Variants in TAF3 observed in about 807,000 individuals in gnomAD.
TAF3 encodes the protein TATA-box binding protein associated factor 3, also known as transcription initiation factor TFIID subunit 3.
TAF3 carries 7 observed loss-of-function variants against 80.6 expected under a neutral mutation model. The ratio of observed to expected loss-of-function variants is 0.09; its 90% CI spans 0.05 to 0.16. The LOEUF is 0.16. TAF3 is among the 10% of genes least tolerant of loss of function. The pLI, the probability that TAF3 is intolerant of heterozygous loss-of-function variation, is 1.00. For missense variants in TAF3, 921 were observed against 1,140.2 expected, an observed-to-expected ratio of 0.81 and a Z score of 2.77; for synonymous variants, 444 against 446.1, an observed-to-expected ratio of 1.00 and a Z score of 0.06.
At chr10:7,906,388 A>G (rs1372766572) in intron 2 of TAF3, among the ~76,000 whole-genome samples, 1 of 152,234 alleles carries the variant, frequency 6.6e-6, no homozygotes, top group African/African-American at 2.4e-5. Flanking sequence ...ACAGGTGGTA[A>G]CTACAGCTAC....
At chr10:7,990,029 A>G (rs1014095664) in intron 4 of TAF3, among the ~76,000 whole-genome samples, 1 of 136,590 alleles carries the variant, frequency 7.3e-6, no homozygotes, top group Non-Finnish European at 1.7e-5. Context: ...GACCCAGTTA[A>G]AATTAACTGT....
intron 4 of TAF3, among the ~76,000 whole-genome samples, chr10:7,981,864 A>G (rs1472280657): frequency 1.3e-5 from 2 of 152,170 alleles, no homozygotes; most frequent in African/African-American, 2.4e-5. Context: ...TCTATATATA[A>G]TGAAAATGAG....
intron 2 of TAF3, among the ~76,000 whole-genome samples, chr10:7,944,428 C>A (rs985052622): frequency 2.6e-5 from 4 of 152,070 alleles, no homozygotes; most frequent in African/African-American, 9.7e-5. Context: ...CTTGTTTTAT[C>A]TTTTACTTTT....
rs1190332018 is a variant in TAF3, at chr10:7,988,344, CT to C, written c.2315+11024del. 3.9e-5 allele frequency among the ~76,000 whole-genome samples: 6 copies of C among 151,976 alleles called. No individual in the cohort carries two copies. The East Asian group carries it at 9.7e-4, about 25-fold the overall frequency. ...GTGGCTCACGCTTATAATCCTAACA[CT>C]TTGGGAGGCCAAGGCAAACAGATGA... On this transcript the variant is annotated intron_variant, in intron 4 of 6. Coordinates refer to ENST00000344293, the MANE Select transcript of TAF3 (RefSeq NM_031923.4).
chr10:7,924,185 G>A (rs377457747), intron 2 of TAF3, among the ~76,000 whole-genome samples: 1 of 152,178 alleles, frequency 6.6e-6, no homozygotes. Context: ...TGGTGCCAGG[G>A]TATTTGAGAA....
chr10:7,905,713 C>A (rs1461514681), intron 2 of TAF3, among the ~76,000 whole-genome samples: 1 of 152,104 alleles, frequency 6.6e-6, no homozygotes, highest in Admixed American at 6.5e-5. Context: ...AACCCCGTCT[C>A]TACTAAAAAT....
At chr10:7,982,199 T>C (rs562221534) in intron 4 of TAF3, among the ~76,000 whole-genome samples, 1 of 152,192 alleles carries the variant, frequency 6.6e-6, no homozygotes, top group South Asian at 2.1e-4. Context: ...TTTATTCATA[T>C]ATAACTTTTT....
intron 3 of TAF3, among the ~76,000 whole-genome samples, chr10:7,966,544 C>T (rs1382866797): frequency 2.6e-5 from 4 of 152,142 alleles, no homozygotes; most frequent in South Asian, 4.1e-4. Context: ...TTACAGCAGC[C>T]GGCTGGGTTA....
intron 3 of TAF3, among the ~76,000 whole-genome samples, chr10:7,972,856 A>G (rs552978281): frequency 6.8e-4 from 104 of 152,310 alleles, no homozygotes; most frequent in Non-Finnish European, 1.4e-3. Flanking sequence ...TTAGCCTCCC[A>G]TGGAGAACAA....
At chr10:7,920,299 CGTGTGT>C (rs60287426) in intron 2 of TAF3, among the ~76,000 whole-genome samples, 2,004 of 101,372 alleles carry the variant, frequency 0.02, 42 homozygotes, top group African/African-American at 0.055. Flanking sequence ...TTTAAACATA[CGTGTGT>C]GTGTGTGTGT....
intron 1 of TAF3, among the ~76,000 whole-genome samples, chr10:7,823,931 A>G (rs1309513013): frequency 6.7e-6 from 1 of 148,866 alleles, no homozygotes; most frequent in Non-Finnish European, 1.5e-5. Context: ...GCGCCCAGCT[A>G]AGATGCCATC....
rs535029894 is a variant in TAF3 at position 7,965,649 on chromosome 10, A to G, written c.2139A>G (p.Glu713=). ...AAAAGGAGAAGAAGAAAAAGAAGGA[A>G]AAAGAGAAGGAGAAGAAGGAGAAGG... ...KDKKEKKKKK[E]KEKEKKEKER... The change falls in exon 3 of 7, where the codon GAA becomes GAG. Residue 713 remains glutamate (E), a synonymous_variant. Transcript: ENST00000344293. 2 of 1,602,888 alleles carry G rather than the reference A, an allele frequency of 1.2e-6. No individual in the cohort carries two copies. The highest frequency in any genetic ancestry group is 2.3e-5 in the South Asian group (2 of 88,036).
At position 7,962,443 on chromosome 10, in the gene TAF3, C is replaced by G. The variant is rs147320756; in HGVS notation, c.410-1477C>G. ...TTTTTCTCTGTTGTCTAAAATCCTT[C>G]TAGGTCCAAACTACCAGTAGAATAA... On this transcript the variant is annotated intron_variant, in intron 2 of 6. Transcript: ENST00000344293. Among the ~76,000 whole-genome samples, 633 of 152,310 alleles carry G rather than the reference C, an allele frequency of 4.2e-3. 3 individuals carry two copies. The highest frequency in any genetic ancestry group is 0.027 in the Middle Eastern group (8 of 294).
intron 2 of TAF3, among the ~76,000 whole-genome samples, chr10:7,842,619 T>C (rs923242017): frequency 6.6e-5 from 10 of 152,204 alleles, no homozygotes; most frequent in African/African-American, 2.2e-4. Context: ...ATGGTCACTA[T>C]TGTCATGTCT....
At chr10:7,955,054 A>C (rs988681393) in intron 2 of TAF3, among the ~76,000 whole-genome samples, 4 of 152,268 alleles carry the variant, frequency 2.6e-5, no homozygotes, top group Admixed American at 6.5e-5. Flanking sequence ...TGAGATTCAG[A>C]GTGCACTCCA....
chr10:7,827,874 T>C (rs1291880300), intron 2 of TAF3, among the ~76,000 whole-genome samples: 1 of 151,954 alleles, frequency 6.6e-6, no homozygotes, highest in African/African-American at 2.4e-5. Flanking sequence ...GGAGGATCAG[T>C]TGAGCCCAGG....
intron 2 of TAF3, among the ~76,000 whole-genome samples, chr10:7,915,420 G>A (rs371155531): frequency 1.4e-5 from 2 of 147,954 alleles, no homozygotes; most frequent in East Asian, 2.1e-4. Flanking sequence ...CGAGACGGGT[G>A]GATCACGAGG....
chr10:7,842,097 C>T (rs1294147176), intron 2 of TAF3, among the ~76,000 whole-genome samples: 2 of 151,238 alleles, frequency 1.3e-5, no homozygotes, highest in African/African-American at 2.4e-5. Context: ...GCGTGAGTAC[C>T]CTATTTAATT....
At chr10:7,857,699 A>G (rs1291835587) in intron 2 of TAF3, among the ~76,000 whole-genome samples, 1 of 152,218 alleles carries the variant, frequency 6.6e-6, no homozygotes. Flanking sequence ...TCACACGGGT[A>G]TAAATATCTA....
Sources: allele counts gnomAD v4.1 joint callset (sites outside exome capture counted in the v4.1 genomes callset), GRCh38; gene constraint gnomAD v4.1.1; transcripts MANE v1.5; gene names NCBI Gene and HGNC (gene_info 2026-07-23, HGNC 2026-07-21).